CLCN4: variants seen among roughly 807,000 people sequenced by gnomAD.
CLCN4 encodes the protein Cl-/H+ antiporter 4, also known as H(+)/Cl(-) exchange transporter 4.
Under a neutral mutation model 41.7 loss-of-function variants are expected in CLCN4, and 1 was observed. The observed-to-expected ratio is 0.02, with a 90% CI of 0.01 to 0.11. The LOEUF (loss-of-function observed/expected upper bound fraction) is 0.11. Ranked by LOEUF, CLCN4 falls within the 10% of genes least tolerant of loss-of-function variation. CLCN4 has a pLI of 1.00. For missense variants in CLCN4, 287 were observed against 661.0 expected, an observed-to-expected ratio of 0.43 and a Z score of 6.20; for synonymous variants, 277 against 285.8, an observed-to-expected ratio of 0.97 and a Z score of 0.31.
Position 10,169,500 on chromosome X carries a change from AAAAC to A in CLCN4, c.-12+10969_-12+10972del, listed in dbSNP as rs751888999. ...ACAAGGGAAACAAGATGAATTCAGA[AAAAC>A]AAACAAACAAACAAACAAAACCAGT... On this transcript the variant is annotated intron_variant, in intron 2 of 12. Transcript: ENST00000380833. Among the ~76,000 whole-genome samples the A allele has an allele frequency of 2.1e-3, 229 of 109,659 alleles. 1 individual carries two copies. The highest frequency in any genetic ancestry group is 7.0e-3 in the African/African-American group (199 of 28,547).
intron 2 of CLCN4, among the ~76,000 whole-genome samples, chrX:10,174,955 G>A (rs1008737887): frequency 1.8e-5 from 2 of 112,119 alleles, no homozygotes; most frequent in African/African-American, 3.2e-5. Context: ...ACTTCTGCCC[G>A]TTTTTGAACA....
intron 2 of CLCN4, among the ~76,000 whole-genome samples, chrX:10,164,411 C>T (rs1315336805): frequency 8.9e-6 from 1 of 111,808 alleles, no homozygotes; most frequent in Non-Finnish European, 1.9e-5. Context: ...TGGTGTCAAC[C>T]CTGGATTGTC....
chrX:10,205,472 CAA>C (rs758694004), intron 6 of CLCN4, among the ~76,000 whole-genome samples: 2 of 53,002 alleles, frequency 3.8e-5, no homozygotes, highest in Non-Finnish European at 3.5e-5. Context: ...GACTCCATCT[CAA>C]AAAAAAAAAA....
chrX:10,178,389 C>T (rs1448128386), intron 2 of CLCN4, among the ~76,000 whole-genome samples: 1 of 111,678 alleles, frequency 9.0e-6, no homozygotes, highest in Non-Finnish European at 1.9e-5. Context: ...GCCACCTCAT[C>T]CATTCTTCCT....
intron 2 of CLCN4, among the ~76,000 whole-genome samples, chrX:10,175,945 CCT>C (rs1259375232): frequency 2.7e-3 from 113 of 41,709 alleles, no homozygotes; most frequent in Non-Finnish European, 2.3e-3. Flanking sequence ...CCTCCCTCTC[CCT>C]CTCTCTCTCT....
At chrX:10,229,059 G>T (rs1280558501) in intron 12 of CLCN4, among the ~76,000 whole-genome samples, 1 of 111,461 alleles carries the variant, frequency 9.0e-6, no homozygotes, top group Non-Finnish European at 1.9e-5. Context: ...AATGTCACTA[G>T]TGCCAAGGTG....
intron 4 of CLCN4, among the ~76,000 whole-genome samples, chrX:10,190,833 AC>A (rs1309986826): frequency 8.9e-6 from 1 of 112,133 alleles, no homozygotes; most frequent in African/African-American, 3.2e-5. Flanking sequence ...GATATCTCTA[AC>A]TTAATTAGAC....
chrX:10,162,167 C>T (rs1483787349), intron 2 of CLCN4, among the ~76,000 whole-genome samples: 2 of 110,451 alleles, frequency 1.8e-5, no homozygotes, highest in African/African-American at 3.3e-5. Flanking sequence ...TACAGGGACA[C>T]GCCACCACGG....
chrX:10,210,204 A>G (rs1019399077), intron 9 of CLCN4, among the ~76,000 whole-genome samples: 2 of 112,256 alleles, frequency 1.8e-5, no homozygotes, highest in Non-Finnish European at 3.8e-5. Context: ...ATTCCATTCT[A>G]TGGAGATCCC....
At chrX:10,174,216 G>C (rs920732582) in intron 2 of CLCN4, among the ~76,000 whole-genome samples, 4 of 111,894 alleles carry the variant, frequency 3.6e-5, no homozygotes, top group Non-Finnish European at 7.5e-5. Flanking sequence ...TCTCCCCCTC[G>C]TCCATGTGTG....
At chrX:10,222,290 G>A (rs1279696229) in intron 12 of CLCN4, among the ~76,000 whole-genome samples, 1 of 111,921 alleles carries the variant, frequency 8.9e-6, no homozygotes, top group Non-Finnish European at 1.9e-5. Context: ...GCTTGTGTAA[G>A]GGAAGGGGTC....
chrX:10,159,132 AT>A (rs34083038), intron 2 of CLCN4, among the ~76,000 whole-genome samples: 27,012 of 108,524 alleles, frequency 0.25, 2,727 homozygotes, highest in African/African-American at 0.35. Flanking sequence ...TCAGAAACGT[AT>A]TTTTTTTTTC....
Position 10,212,692 on chromosome X carries a change from C to T in CLCN4, c.1576+39C>T. The T allele has an allele frequency of 2.7e-6, 3 of 1,129,201 alleles. No individual in the cohort carries two copies. In the South Asian group the frequency reaches 5.8e-5, roughly 22 times the overall value. 93.1% of individuals were successfully genotyped at this position (1,129,201 alleles called of 1,213,427 possible). ...TGGGGCAGGGAGGGGGACCGGGGAACTAATCTGGCTTAGAGGACTGCCAAG... is the reference window on the plus strand; with the variant it reads ...TGGGGCAGGGAGGGGGACCGGGGAATTAATCTGGCTTAGAGGACTGCCAAG... On this transcript the variant is annotated intron_variant, in intron 10 of 12. Transcript: ENST00000380833.
chrX:10,160,736 G>A (rs947277775), intron 2 of CLCN4, among the ~76,000 whole-genome samples: 6 of 111,713 alleles, frequency 5.4e-5, no homozygotes, highest in Admixed American at 1.9e-4. Context: ...ACGGACACTC[G>A]CTTGGGCAGA....
At chrX:10,199,215 C>T (rs949872971) in intron 6 of CLCN4, among the ~76,000 whole-genome samples, 22 of 112,358 alleles carry the variant, frequency 2.0e-4, no homozygotes, top group African/African-American at 6.2e-4. Context: ...TCCTAAAAAT[C>T]ACCATGCCAT....
At chrX:10,175,210 C>G (rs1369140002) in intron 2 of CLCN4, among the ~76,000 whole-genome samples, 1 of 111,399 alleles carries the variant, frequency 9.0e-6, no homozygotes, top group African/African-American at 3.3e-5. Flanking sequence ...GGTAGGAGCT[C>G]CAGCTTAGGG....
intron 9 of CLCN4, among the ~76,000 whole-genome samples, chrX:10,211,555 AAGG>A: frequency 8.9e-6 from 1 of 112,037 alleles, no homozygotes; most frequent in East Asian, 2.8e-4. Flanking sequence ...ATGATTTCCT[AAGG>A]AGTATTCTGA....
intron 2 of CLCN4, among the ~76,000 whole-genome samples, chrX:10,172,099 C>A (rs537191151): frequency 5.3e-5 from 6 of 112,287 alleles, no homozygotes; most frequent in African/African-American, 9.7e-5. Context: ...TGCAAACAGG[C>A]CTTTCTAAGG....
intron 12 of CLCN4, among the ~76,000 whole-genome samples, chrX:10,223,284 A>T (rs67583581): frequency 0.21 from 23,317 of 110,854 alleles, 2,168 homozygotes; most frequent in African/African-American, 0.36. Flanking sequence ...AATAATCCAA[A>T]GTCAATTATC....
Sources: allele counts gnomAD v4.1 joint callset (sites outside exome capture counted in the v4.1 genomes callset), GRCh38; gene constraint gnomAD v4.1.1; transcripts MANE v1.5; gene names NCBI Gene and HGNC (gene_info 2026-07-23, HGNC 2026-07-21).